The following IL16 variants were observed in gnomAD, a reference collection of about 807,000 sequenced individuals.
IL16 encodes pro-interleukin-16.
A neutral mutation model predicts 110.1 loss-of-function variants in IL16; 67 were observed. The ratio of observed to expected loss-of-function variants is 0.61; its 90% confidence interval spans 0.50 to 0.75. The LOEUF is 0.75. Among genes scored for constraint, IL16 ranks in the 30% least tolerant of loss-of-function variants. The pLI is 0.00. For synonymous variants in IL16, 689 were observed against 662.9 expected (o/e 1.04, Z -0.61); for missense variants, 1,545 against 1,655.0 (o/e 0.93, Z 1.15).
At chr15:81,223,195 G>T (rs1896676372) in intron 1 of IL16, among the ~76,000 whole-genome samples, 1 of 152,188 alleles carries the variant, frequency 6.6e-6, no homozygotes, top group African/African-American at 2.4e-5. Flanking sequence ...TGATACAACA[G>T]TTTCAGTGGC....
upstream of IL16, among the ~76,000 whole-genome samples, chr15:81,194,428 A>G (rs970865006): frequency 2.0e-5 from 3 of 151,522 alleles, no homozygotes; most frequent in Non-Finnish European, 2.9e-5. Flanking sequence ...TGTAATTTTA[A>G]TTTTTTAAAT....
At chr15:81,289,855 A>T (rs1003981881) in intron 10 of IL16, 1 of 426,068 alleles carries the variant, frequency 2.3e-6, no homozygotes, top group Non-Finnish European at 4.6e-6. Flanking sequence ...ATTTTTAAAA[A>T]ACCTGTCCTC....
At position 81,300,234 on chromosome 15, in the gene IL16, A is replaced by G; in HGVS notation, c.2908A>G (p.Thr970Ala). The G allele has an allele frequency of 6.2e-7, 1 of 1,614,226 alleles. No individual in the cohort carries two copies. The highest frequency in any genetic ancestry group is 8.5e-7 in the Non-Finnish European group (1 of 1,180,040). Residue 970 changes from threonine to alanine, a missense_variant, in exon 14 of 19, where the codon ACC becomes GCC. Thr to Ala is a moderately conservative substitution (Grantham distance 58, BLOSUM62 0). This residue lies in a region of IL16 where 1,185 missense variants were observed against 1,238.8 expected (regional missense o/e 0.96). Transcript: ENST00000683961. ...PSQRARSFPL[T>A]RSQSCETKLL... is the part of the protein sequence containing the mutation. ...CCAGCGAGCACGGAGCTTCCCCCTG[A>G]CCAGGTCCCAGTCCTGTGAGACGAA...
chr15:81,252,986 A>T (rs929921696), intron 2 of IL16, among the ~76,000 whole-genome samples: 2 of 152,164 alleles, frequency 1.3e-5, no homozygotes, highest in Non-Finnish European at 2.9e-5. Flanking sequence ...CCTTGGGTAT[A>T]TACCTAGGAA....
chr15:81,192,919 G>A (rs1470299150), upstream of IL16, among the ~76,000 whole-genome samples: 2 of 152,126 alleles, frequency 1.3e-5, no homozygotes, highest in African/African-American at 4.8e-5. Context: ...GAGAGATGGA[G>A]GGATCAAGAT....
intron 2 of IL16, among the ~76,000 whole-genome samples, chr15:81,227,307 TA>T (rs879332920): frequency 2.0e-5 from 3 of 152,168 alleles, no homozygotes; most frequent in Admixed American, 1.3e-4. Context: ...GAAGACATAT[TA>T]AGCAGGATAA....
Position 81,282,707 on chromosome 15 carries a change from G to C in IL16, c.1150G>C (p.Val384Leu). ...CTTCCAATGCATCTCTGGCATTTTC[G>C]TCCACACGCTGTCACCAGGATCCGT... ...PYFQCISGIF[V>L]HTLSPGSVAH... is the part of the protein sequence containing the mutation. Residue 384 changes from valine to leucine, a missense_variant, in exon 9 of 19, where the codon GTC (valine) becomes CTC (leucine). Coordinates refer to ENST00000683961, the MANE Select transcript of IL16 (RefSeq NM_172217.5). 6.2e-7 allele frequency: 1 copy of C among 1,614,158 alleles called. No homozygotes were observed. Among genetic ancestry groups the C allele is most frequent in the Non-Finnish European group, 8.5e-7 (1 of 1,180,038 alleles).
At chr15:81,299,354 G>C in intron 13 of IL16, 26 bp from the exon 14 acceptor site, 2 of 1,608,062 alleles carry the variant, frequency 1.2e-6, no homozygotes, top group Non-Finnish European at 1.7e-6. Flanking sequence ...GTAATGCACA[G>C]CTTTGGCCTT....
intron 1 of IL16, among the ~76,000 whole-genome samples, chr15:81,213,619 T>A (rs187474388): frequency 6.6e-6 from 1 of 152,326 alleles, no homozygotes; most frequent in African/African-American, 2.4e-5. Context: ...TCTTGTTGGA[T>A]TGTATCCTTT....
At chr15:81,297,939 G>C (rs557146191) in intron 13 of IL16, among the ~76,000 whole-genome samples, 1 of 152,314 alleles carries the variant, frequency 6.6e-6, no homozygotes, top group South Asian at 2.1e-4. Context: ...GGAGGGCTAA[G>C]GGACATTTTG....
intron 4 of IL16, among the ~76,000 whole-genome samples, chr15:81,267,491 C>CACACACACACACAT (rs1555420236): frequency 0.058 from 8,709 of 149,664 alleles, 835 homozygotes; most frequent in African/African-American, 0.21. Flanking sequence ...CACACACACA[C>CACACACACACACAT]ACACACACAC....
upstream of IL16, among the ~76,000 whole-genome samples, chr15:81,194,637 T>C (rs1008748334): frequency 2.8e-4 from 43 of 152,244 alleles, no homozygotes; most frequent in African/African-American, 9.4e-4. Context: ...AGGTTATTGA[T>C]TATGAAACTT....
intron 1 of IL16, among the ~76,000 whole-genome samples, chr15:81,198,861 A>C (rs569540737): frequency 1.4e-4 from 21 of 150,718 alleles, no homozygotes; most frequent in Admixed American, 1.3e-3. Context: ...TTCTACTAAA[A>C]ATACAAAAAT....
At chr15:81,182,720 C>A (rs539793624) in exon 1 of IL16, 27 of 393,348 alleles carry the variant, frequency 6.9e-5, no homozygotes, top group Non-Finnish European at 1.2e-4. Context: ...ACAGTTCTAA[C>A]GAGGAGTTAC....
At chr15:81,247,914 T>C (rs534682496) in intron 2 of IL16, among the ~76,000 whole-genome samples, 1 of 152,350 alleles carries the variant, frequency 6.6e-6, no homozygotes, top group South Asian at 2.1e-4. Context: ...GAGAATTATT[T>C]GATGACCCCG....
chr15:81,204,248 T>C (rs577083003), intron 1 of IL16, among the ~76,000 whole-genome samples: 2 of 152,078 alleles, frequency 1.3e-5, no homozygotes, highest in Non-Finnish European at 1.5e-5. Context: ...TTTCTAGATA[T>C]ACAATCATGT....
At chr15:81,228,354 T>A (rs1487661530) in intron 2 of IL16, among the ~76,000 whole-genome samples, 1 of 149,594 alleles carries the variant, frequency 6.7e-6, no homozygotes, top group Non-Finnish European at 1.5e-5. Flanking sequence ...GGAGTCTCGC[T>A]CTGTTGCCCA....
chr15:81,306,430 C>T lies in IL16; in HGVS notation c.3690C>T (p.Ala1230=). 2 of 1,614,052 alleles carry T rather than the reference C, an allele frequency of 1.2e-6. No homozygotes were observed. The highest frequency in any genetic ancestry group is 1.7e-6 in the Non-Finnish European group (2 of 1,180,010). Reference sequence around the variant, plus strand: ...TTGTGTTTTTCTCAGCAGCAGAGGCCACAGTCTGCACGGTGACACTGGAGA... The same window carrying T: ...TTGTGTTTTTCTCAGCAGCAGAGGCTACAGTCTGCACGGTGACACTGGAGA... ...SDVSVESTAE[A]TVCTVTLEKM... is the part of the protein sequence containing the mutation. Residue 1230 remains alanine, a synonymous_variant, in exon 18 of 19, where the codon GCC becomes GCT. Transcript: ENST00000683961.
intron 1 of IL16, among the ~76,000 whole-genome samples, chr15:81,184,359 GC>G (rs1015264889): frequency 1.8e-4 from 28 of 152,354 alleles, no homozygotes; most frequent in African/African-American, 6.7e-4. Flanking sequence ...AACAACACCA[GC>G]GTGGGGTGAG....
Sources: allele counts gnomAD v4.1 joint callset (sites outside exome capture counted in the v4.1 genomes callset), GRCh38; gene constraint gnomAD v4.1.1; regional missense constraint gnomAD v4.1.1; transcripts MANE v1.5; gene names NCBI Gene and HGNC (gene_info 2026-07-23, HGNC 2026-07-21).